ETV7: variants seen among roughly 807,000 people sequenced by gnomAD.
ETV7 encodes the protein transcription factor ETV7.
Under a neutral mutation model 39.1 loss-of-function variants are expected in ETV7, and 43 were observed. The observed-to-expected ratio is 1.10, with a 90% CI of 0.86 to 1.42. ETV7 has a LOEUF of 1.42. Ranked by LOEUF, ETV7 falls within the 40% of genes most tolerant of loss-of-function variation. The pLI, the probability that ETV7 is intolerant of heterozygous loss-of-function variation, is 0.00. For synonymous variants in ETV7, 196 were observed against 176.6 expected, an observed-to-expected ratio of 1.11 and a Z score of -0.87; for missense variants, 432 against 442.3, an observed-to-expected ratio of 0.98 and a Z score of 0.21.
At chr6:36,364,552 C>T (rs970301380), downstream of ETV7, among the ~76,000 whole-genome samples, 11 of 152,258 alleles carry the variant, frequency 7.2e-5, no homozygotes, top group African/African-American at 2.4e-4. Context: ...CCCACGCTCA[C>T]CCGAAAGTTC....
intron 2 of ETV7, among the ~76,000 whole-genome samples, chr6:36,380,005 G>GA (rs1188661049): frequency 1.3e-5 from 2 of 152,096 alleles, no homozygotes; most frequent in Admixed American, 6.5e-5. Context: ...CAAGGATGAT[G>GA]AAAAAAATTG....
intron 3 of ETV7, 57 bp downstream of exon 3, chr6:36,375,814 G>A (rs1217039433): frequency 3.7e-6 from 6 of 1,611,136 alleles, no homozygotes; most frequent in East Asian, 4.5e-5. Flanking sequence ...GGGGTACTTG[G>A]GCCATCCTGG....
intron 7 of ETV7, among the ~76,000 whole-genome samples, chr6:36,354,854 A>G (rs1007984174): frequency 3.3e-5 from 5 of 152,186 alleles, no homozygotes; most frequent in Admixed American, 3.3e-4. Context: ...TTTTCAGAGT[A>G]TATGTCTTGT....
intron 7 of ETV7, among the ~76,000 whole-genome samples, chr6:36,354,871 A>C (rs1394407836): frequency 6.6e-6 from 1 of 152,178 alleles, no homozygotes; most frequent in Non-Finnish European, 1.5e-5. Context: ...TTGTGCTTTA[A>C]GTTTATTTGT....
chr6:36,380,654 C>T (rs1228787223), intron 2 of ETV7, among the ~76,000 whole-genome samples: 4 of 152,218 alleles, frequency 2.6e-5, no homozygotes, highest in Admixed American at 1.3e-4. Flanking sequence ...GTGGACATAG[C>T]GCTTCTTTAC....
intron 7 of ETV7, among the ~76,000 whole-genome samples, chr6:36,356,047 C>G (rs1478008486): frequency 6.6e-6 from 1 of 152,158 alleles, no homozygotes; most frequent in African/African-American, 2.4e-5. Context: ...TTGTGCAAGA[C>G]AGAAACCACA....
chr6:36,384,322 G>T (rs879929622), intron 2 of ETV7, among the ~76,000 whole-genome samples: 11 of 152,314 alleles, frequency 7.2e-5, no homozygotes, highest in South Asian at 2.1e-4. Context: ...CTCAAGAGGG[G>T]AGGAAATGCC....
downstream of ETV7, among the ~76,000 whole-genome samples, chr6:36,361,209 C>T (rs575607786): frequency 5.8e-4 from 88 of 152,314 alleles, 1 homozygote; most frequent in South Asian, 0.018. Flanking sequence ...GGGGCTGTCC[C>T]ATTGGTGGCT....
intron 7 of ETV7, among the ~76,000 whole-genome samples, chr6:36,360,164 T>A (rs1772449925): frequency 6.6e-6 from 1 of 152,184 alleles, no homozygotes. Flanking sequence ...GTGCTGGGAT[T>A]ACAGGCATGA....
intron 3 of ETV7, 54 bp from the exon 4 acceptor site, chr6:36,373,632 C>T: frequency 6.7e-7 from 1 of 1,482,738 alleles, no homozygotes; most frequent in South Asian, 1.4e-5. Flanking sequence ...GTGGGGAGGG[C>T]CAGCCTCATC....
chr6:36,354,763 G>T, intron 7 of ETV7: 1 of 657,432 alleles, frequency 1.5e-6, no homozygotes, highest in East Asian at 2.8e-5. Flanking sequence ...AGGGAGTATT[G>T]CCATCTTAAC....
At chr6:36,378,623 A>T (rs1773494070) in intron 2 of ETV7, among the ~76,000 whole-genome samples, 1 of 152,192 alleles carries the variant, frequency 6.6e-6, no homozygotes, top group African/African-American at 2.4e-5. Context: ...TGATTTTTTT[A>T]AAGACAAAAA....
chr6:36,360,711 C>T lies in ETV7; in HGVS notation c.909-6024G>A, dbSNP rs539722840. ...CATGGTTTTAAACTGCAGGCCTTTC[C>T]GTGGAGAGAAGCCCACAGCCCAGAA... On this transcript the variant is annotated intron_variant, in intron 7 of 7. Coordinates refer to the ETV7 transcript ENST00000339796. Among the ~76,000 whole-genome samples the T allele has an allele frequency of 6.5e-4, 99 of 152,302 alleles. 1 individual carries two copies. In the South Asian group the frequency reaches 0.017, roughly 26 times the overall value.
downstream of ETV7, among the ~76,000 whole-genome samples, chr6:36,362,449 A>T (rs188007689): frequency 3.3e-5 from 5 of 152,276 alleles, no homozygotes; most frequent in Middle Eastern, 3.4e-3. Context: ...AGTGACAGCA[A>T]AACACCTCAA....
At chr6:36,369,207 A>G in intron 5 of ETV7, 136 bp from the exon 6 acceptor site, 4 of 945,258 alleles carry the variant, frequency 4.2e-6, no homozygotes, top group South Asian at 1.6e-5. Flanking sequence ...GATGATATCA[A>G]CAGAAACAGC....
chr6:36,369,432 G>A (rs1320583124), intron 5 of ETV7, among the ~76,000 whole-genome samples: 1 of 152,200 alleles, frequency 6.6e-6, no homozygotes, highest in African/African-American at 2.4e-5. Flanking sequence ...ACAGGCTGAG[G>A]GGCTGGGCCC....
chr6:36,381,825 TTTGA>T (rs1352535074), intron 2 of ETV7, among the ~76,000 whole-genome samples: 1 of 152,186 alleles, frequency 6.6e-6, no homozygotes, highest in Non-Finnish European at 1.5e-5. Context: ...CAGCTGGGAC[TTTGA>T]TTGGCTTCTC....
chr6:36,383,813 A>C (rs1400741624), intron 2 of ETV7, among the ~76,000 whole-genome samples: 1 of 152,252 alleles, frequency 6.6e-6, no homozygotes, highest in East Asian at 1.9e-4. Flanking sequence ...TGTTCCAATA[A>C]ATATGAGTCA....
downstream of ETV7, among the ~76,000 whole-genome samples, chr6:36,362,112 C>T (rs1772507688): frequency 6.6e-6 from 1 of 152,108 alleles, no homozygotes; most frequent in Admixed American, 6.5e-5. Context: ...TCCTGGCTAA[C>T]ATGGTGAAAC....
Sources: allele counts gnomAD v4.1 joint callset (sites outside exome capture counted in the v4.1 genomes callset), GRCh38; gene constraint gnomAD v4.1.1; transcripts MANE v1.5; gene names NCBI Gene and HGNC (gene_info 2026-07-23, HGNC 2026-07-21).